C13orf46: variants seen among roughly 807,000 people sequenced by gnomAD.
The protein encoded by C13orf46 is chromosome 13 open reading frame 46.
At chr13:113,943,990 G>C in the C13orf46 span, among the ~76,000 whole-genome samples, 8 of 152,288 alleles carry the variant, frequency 5.3e-5, no homozygotes, top group Non-Finnish European at 1.0e-4. Context: ...TCTGGCTCGG[G>C]ACCTTCAGTA....
Position 113,963,092 on chromosome 13 carries a change from G to A in C13orf46, c.572+1835C>T, listed in dbSNP as rs919810217. Among the ~76,000 whole-genome samples, 18 of 152,330 alleles carry A rather than the reference G, an allele frequency of 1.2e-4. No homozygotes were observed. In the Middle Eastern group the frequency reaches 0.017, roughly 144 times the overall value. On this transcript the variant is annotated intron_variant, in intron 6 of 6. Coordinates refer to ENST00000636427, the MANE Select transcript of C13orf46 (RefSeq NM_001365455.2). ...GTCAGCAAAGCCAGACCAGTCGGGGGCCGAGGGCTGCAGCTCTCAAAGCTG... is the reference window on the plus strand; with the variant it reads ...GTCAGCAAAGCCAGACCAGTCGGGGACCGAGGGCTGCAGCTCTCAAAGCTG...
chr13:113,973,655 T>A (rs1333342604), intron 1 of C13orf46, among the ~76,000 whole-genome samples, 153 bp downstream of exon 1: 3 of 152,252 alleles, frequency 2.0e-5, no homozygotes, highest in Non-Finnish European at 4.4e-5. Flanking sequence ...CACACGTCGT[T>A]GGACCTCCTG....
chr13:113,971,455 C>A (rs1219067467), intron 1 of C13orf46, among the ~76,000 whole-genome samples: 1 of 152,228 alleles, frequency 6.6e-6, no homozygotes, highest in African/African-American at 2.4e-5. Context: ...AGCGCAGAGC[C>A]TTTGCAGAAT....
chr13:113,931,922 C>T, the C13orf46 span, among the ~76,000 whole-genome samples: 1 of 149,568 alleles, frequency 6.7e-6, no homozygotes, highest in Non-Finnish European at 1.5e-5. Context: ...CATGGACATC[C>T]CCTCCCCCAG....
At chr13:113,933,106 C>T in the C13orf46 span, among the ~76,000 whole-genome samples, 2 of 152,326 alleles carry the variant, frequency 1.3e-5, no homozygotes, top group Middle Eastern at 6.8e-3. Flanking sequence ...CTCAAATGAT[C>T]CACCTGCCTC....
Position 113,954,837 on chromosome 13 carries a change from G to A in C13orf46, c.*1936C>T, listed in dbSNP as rs1472332588. On this transcript the variant is annotated 3_prime_UTR_variant, in exon 7 of 7. Transcript: ENST00000636427. ...GAGGAGCATCCGGTGGAGATGAGGA[G>A]CATCCGGTGGAGATGAGGAGCATCT... 7.0e-5 allele frequency: 7 copies of A among 99,588 alleles called. No individual in the cohort carries two copies. Among genetic ancestry groups the A allele is most frequent in the Non-Finnish European group, 1.2e-4 (5 of 40,876 alleles). 6.2% of individuals were successfully genotyped at this position (99,588 alleles called of 1,614,324 possible). A position where few individuals can be genotyped will look rare whatever the true frequency, so the allele number is the denominator to read the frequency against.
chr13:113,964,737 T>C (rs934076056), intron 6 of C13orf46, among the ~76,000 whole-genome samples, 190 bp downstream of exon 6: 6 of 152,242 alleles, frequency 3.9e-5, no homozygotes, highest in African/African-American at 1.4e-4. Flanking sequence ...GAAGGTCCGA[T>C]GTCCTGTTCC....
At chr13:113,958,171 C>T (rs2052557675) in intron 6 of C13orf46, among the ~76,000 whole-genome samples, 1 of 149,364 alleles carries the variant, frequency 6.7e-6, no homozygotes, top group Non-Finnish European at 1.5e-5. Flanking sequence ...GTCTCCCCTG[C>T]ACTCTGCCTG....
intron 6 of C13orf46, among the ~76,000 whole-genome samples, chr13:113,962,706 G>A (rs2052596914): frequency 6.6e-6 from 1 of 152,188 alleles, no homozygotes; most frequent in African/African-American, 2.4e-5. Flanking sequence ...TGGGATAGCT[G>A]AGTCAAGGGG....
At chr13:113,946,500 G>C in the C13orf46 span, among the ~76,000 whole-genome samples, 6 of 152,228 alleles carry the variant, frequency 3.9e-5, no homozygotes, top group African/African-American at 7.2e-5. Flanking sequence ...CCAGGAGGCT[G>C]TGTGGGTCGT....
chr13:113,946,515 C>T, the C13orf46 span, among the ~76,000 whole-genome samples: 6 of 152,324 alleles, frequency 3.9e-5, no homozygotes, highest in Admixed American at 6.5e-5. Flanking sequence ...GGTCGTCAGC[C>T]GGGTGAGGTG....
chr13:113,934,631 A>C, the C13orf46 span, among the ~76,000 whole-genome samples: 52 of 152,362 alleles, frequency 3.4e-4, no homozygotes, highest in African/African-American at 1.2e-3. Flanking sequence ...ACTGCCCTCC[A>C]AACAGTGGAC....
the C13orf46 span, among the ~76,000 whole-genome samples, chr13:113,934,373 T>C: frequency 9.9e-5 from 15 of 152,194 alleles, no homozygotes; most frequent in African/African-American, 3.4e-4. Flanking sequence ...ATGGCAGGTA[T>C]GTGTTTGACT....
chr13:113,945,290 T>G, the C13orf46 span, among the ~76,000 whole-genome samples: 1 of 151,978 alleles, frequency 6.6e-6, no homozygotes, highest in Non-Finnish European at 1.5e-5. Context: ...CATCAGGTCT[T>G]CTCCCAGCAC....
At chr13:113,963,601 C>T (rs1356005431) in intron 6 of C13orf46, among the ~76,000 whole-genome samples, 16 of 148,554 alleles carry the variant, frequency 1.1e-4, no homozygotes, top group African/African-American at 4.0e-4. Flanking sequence ...CCCCTGTCCT[C>T]AGCCGCAGTC....
At chr13:113,945,990 C>T in the C13orf46 span, among the ~76,000 whole-genome samples, 3 of 151,936 alleles carry the variant, frequency 2.0e-5, no homozygotes, top group African/African-American at 7.3e-5. Flanking sequence ...GATTTAGGGT[C>T]CAGTTCACCG....
At chr13:113,958,501 G>A (rs1330939984) in intron 6 of C13orf46, among the ~76,000 whole-genome samples, 3 of 152,178 alleles carry the variant, frequency 2.0e-5, no homozygotes, top group Admixed American at 6.5e-5. Context: ...TGCACACGAC[G>A]TCTGCCGCGG....
the C13orf46 span, among the ~76,000 whole-genome samples, chr13:113,945,583 G>A: frequency 9.6e-3 from 1,133 of 118,574 alleles, 3 homozygotes; most frequent in Non-Finnish European, 0.012. Context: ...GAAAGAGAGA[G>A]AGAGAGAGAG....
chr13:113,942,094 G>A, the C13orf46 span, among the ~76,000 whole-genome samples: 1 of 152,254 alleles, frequency 6.6e-6, no homozygotes, highest in Admixed American at 6.5e-5. Flanking sequence ...GGCCGATCAT[G>A]GTGGCATGAG....
Sources: gnomAD v4.1 joint callset for allele counts (sites outside exome capture counted in the v4.1 genomes callset) on GRCh38, gnomAD v4.1.1 for gene constraint, MANE v1.5 for transcripts, NCBI Gene and HGNC (gene_info 2026-07-23, HGNC 2026-07-21) for gene names.